The following TAFA1 variants were observed in gnomAD, a reference collection of about 807,000 sequenced individuals.
TAFA1 encodes chemokine-like protein TAFA-1.
TAFA1 carries 4 observed loss-of-function variants against 18.5 expected under a neutral mutation model. The ratio of observed to expected loss-of-function variants is 0.22; its 90% CI spans 0.11 to 0.49. The LOEUF (loss-of-function observed/expected upper bound fraction) is 0.49. TAFA1 is among the 20% of genes least tolerant of loss of function. The probability of loss-of-function intolerance (pLI) is 0.98; values close to 1 mark genes in which losing one functional copy is unlikely to be tolerated. For missense variants in TAFA1, 147 were observed against 169.0 expected, an observed-to-expected ratio of 0.87 and a Z score of 0.72; for synonymous variants, 56 against 55.2, an observed-to-expected ratio of 1.01 and a Z score of -0.06.
intron 3 of TAFA1, among the ~76,000 whole-genome samples, chr3:68,491,011 G>A (rs976688109): frequency 2.6e-5 from 4 of 151,768 alleles, no homozygotes; most frequent in Non-Finnish European, 5.9e-5. Flanking sequence ...GCTAAGTTTT[G>A]TACTTTTTAT....
At chr3:68,335,054 A>C (rs570627480) in intron 2 of TAFA1, among the ~76,000 whole-genome samples, 1 of 152,234 alleles carries the variant, frequency 6.6e-6, no homozygotes, top group East Asian at 1.9e-4. Context: ...GTGATTGTGC[A>C]TGGAGTTTTA....
At chr3:68,001,579 G>GT (rs79820862), upstream of TAFA1, among the ~76,000 whole-genome samples, 6,144 of 135,664 alleles carry the variant, frequency 0.045, 315 homozygotes, top group African/African-American at 0.13. Flanking sequence ...TGTTGTTGTT[G>GT]TTTTTTTTTT....
rs533214097 is a variant in TAFA1, at chr3:68,529,436, TAAAAAA to T, written c.260-9295_260-9290del. Among the ~76,000 whole-genome samples, 45 of 77,068 alleles carry T rather than the reference TAAAAAA, an allele frequency of 5.8e-4. 1 individual carries two copies. Among genetic ancestry groups the T allele is most frequent in the East Asian group, 1.5e-3 (4 of 2,628 alleles). 50.6% of individuals were successfully genotyped at this position (77,068 alleles called of 152,430 possible). On this transcript the variant is annotated intron_variant, in intron 3 of 4. Transcript: ENST00000478136. ...CATGGAATCTAGATTCACCATTCTC[TAAAAAA>T]AAAAAAAAAAAAAAAAAAAAAAAAG...
At chr3:68,224,761 G>A (rs924238722) in intron 2 of TAFA1, among the ~76,000 whole-genome samples, 1 of 151,950 alleles carries the variant, frequency 6.6e-6, no homozygotes, top group Non-Finnish European at 1.5e-5. Flanking sequence ...AATACTTTTA[G>A]CTCATATAAA....
At chr3:68,376,281 G>A (rs778792905) in intron 2 of TAFA1, among the ~76,000 whole-genome samples, 2 of 150,876 alleles carry the variant, frequency 1.3e-5, no homozygotes, top group Non-Finnish European at 3.0e-5. Flanking sequence ...AAGTTCAGGG[G>A]TACATATGCA....
chr3:68,364,568 TCTTATAAA>T (rs1252574281), intron 2 of TAFA1, among the ~76,000 whole-genome samples: 8 of 152,228 alleles, frequency 5.3e-5, no homozygotes, highest in Admixed American at 2.0e-4. Flanking sequence ...AACGTATTTA[TCTTATAAA>T]CTTACAGACA....
chr3:68,506,244 T>C (rs949966928), intron 3 of TAFA1, among the ~76,000 whole-genome samples: 1 of 152,174 alleles, frequency 6.6e-6, no homozygotes, highest in African/African-American at 2.4e-5. Context: ...CTGCATAGTA[T>C]TCCATGGTGT....
chr3:68,538,533 C>T (rs1041268709), intron 3 of TAFA1, among the ~76,000 whole-genome samples: 6 of 152,128 alleles, frequency 3.9e-5, no homozygotes, highest in African/African-American at 9.7e-5. Context: ...CAATCCCCAA[C>T]AAAAATGCTG....
At chr3:68,050,417 G>A (rs1337077316) in intron 2 of TAFA1, among the ~76,000 whole-genome samples, 2 of 152,312 alleles carry the variant, frequency 1.3e-5, no homozygotes, top group Middle Eastern at 6.8e-3. Context: ...CCCTCAGGGT[G>A]TAGAAGTGAA....
intron 2 of TAFA1, among the ~76,000 whole-genome samples, chr3:68,024,672 G>A (rs1332321234): frequency 6.6e-6 from 1 of 152,062 alleles, no homozygotes; most frequent in Non-Finnish European, 1.5e-5. Context: ...TCAGGAAGAT[G>A]GCATTTACAT....
At chr3:68,002,950 G>A (rs1227435084), upstream of TAFA1, among the ~76,000 whole-genome samples, 3 of 152,174 alleles carry the variant, frequency 2.0e-5, no homozygotes, top group African/African-American at 7.2e-5. Context: ...ATTACCTGCT[G>A]CCACTGCTGT....
At chr3:68,367,516 A>G (rs2069597459) in intron 2 of TAFA1, among the ~76,000 whole-genome samples, 1 of 152,214 alleles carries the variant, frequency 6.6e-6, no homozygotes, top group African/African-American at 2.4e-5. Flanking sequence ...AAGGTGAAAC[A>G]TGTCAAGAAC....
intron 3 of TAFA1, among the ~76,000 whole-genome samples, chr3:68,522,902 C>A (rs979394460): frequency 6.6e-6 from 1 of 151,878 alleles, no homozygotes; most frequent in African/African-American, 2.4e-5. Context: ...ATGGTGAAAC[C>A]CCAACTCTAC....
intron 2 of TAFA1, among the ~76,000 whole-genome samples, chr3:68,272,045 T>C (rs936382865): frequency 6.6e-6 from 1 of 152,178 alleles, no homozygotes; most frequent in Non-Finnish European, 1.5e-5. Context: ...CTTATGGCAA[T>C]GTATGTGGAG....
chr3:68,173,885 G>T (rs780651800), intron 2 of TAFA1, among the ~76,000 whole-genome samples: 3 of 110,656 alleles, frequency 2.7e-5, no homozygotes. Context: ...CAAATAACAG[G>T]GTTATAGGAT....
chr3:68,192,904 A>T (rs758127410), intron 2 of TAFA1, among the ~76,000 whole-genome samples: 3 of 151,704 alleles, frequency 2.0e-5, no homozygotes, highest in Non-Finnish European at 4.4e-5. Flanking sequence ...ATAGTTCAGA[A>T]TAGGGAACAG....
chr3:68,372,325 AG>A (rs2069723451), intron 2 of TAFA1, among the ~76,000 whole-genome samples: 1 of 152,188 alleles, frequency 6.6e-6, no homozygotes, highest in Non-Finnish European at 1.5e-5. Context: ...CCCTGATGGC[AG>A]TATGATGGTT....
At chr3:68,072,141 T>G (rs903883306) in intron 2 of TAFA1, among the ~76,000 whole-genome samples, 5 of 152,164 alleles carry the variant, frequency 3.3e-5, no homozygotes, top group Non-Finnish European at 7.4e-5. Context: ...TTTTCTCTCT[T>G]TATATTTTTG....
chr3:68,240,061 A>G (rs939321948), intron 2 of TAFA1, among the ~76,000 whole-genome samples: 4 of 152,196 alleles, frequency 2.6e-5, no homozygotes, highest in African/African-American at 7.2e-5. Flanking sequence ...CCAAGTTTAT[A>G]TATGAGCTGG....
Sources: allele counts gnomAD v4.1 joint callset (sites outside exome capture counted in the v4.1 genomes callset), GRCh38; gene constraint gnomAD v4.1.1; transcripts MANE v1.5; gene names NCBI Gene and HGNC (gene_info 2026-07-23, HGNC 2026-07-21).